Variants in DOCK1 observed in about 807,000 individuals in gnomAD.
The protein encoded by DOCK1 is dedicator of cytokinesis 1.
A neutral mutation model predicts 262.7 loss-of-function variants in DOCK1; 138 were observed. The ratio of observed to expected loss-of-function variants is 0.53; its 90% CI spans 0.46 to 0.61. The LOEUF is 0.61. Ranked by LOEUF, DOCK1 falls within the 20% of genes least tolerant of loss-of-function variation. The pLI, the probability that DOCK1 is intolerant of heterozygous loss-of-function variation, is 0.00. For missense variants in DOCK1, 1,908 were observed against 2,370.7 expected (o/e 0.80, Z 4.05); for synonymous variants, 866 against 867.4 (o/e 1.00, Z 0.03).
intron 30 of DOCK1, among the ~76,000 whole-genome samples, chr10:127,341,329 C>G (rs184981997): frequency 6.6e-6 from 1 of 152,284 alleles, no homozygotes; most frequent in African/African-American, 2.4e-5. Context: ...CTAGCAGAGT[C>G]GCTACTTTTC....
Position 127,014,034 on chromosome 10 carries a change from A to G in DOCK1, c.1201+1660A>G, listed in dbSNP as rs142162250. ...GGAGTGGAAGGGACATGGAGGAGATACTCATCTTCAGAGAGAACCACTGGG... is the reference window on the plus strand; with the variant it reads ...GGAGTGGAAGGGACATGGAGGAGATGCTCATCTTCAGAGAGAACCACTGGG... On this transcript the variant is annotated intron_variant, in intron 12 of 51. Transcript: ENST00000623213. 9.6e-4 allele frequency among the ~76,000 whole-genome samples: 146 copies of G among 152,318 alleles called. 1 individual carries two copies. In the East Asian group the frequency reaches 0.026, roughly 27 times the overall value.
intron 9 of DOCK1, among the ~76,000 whole-genome samples, chr10:126,999,933 C>T (rs1365771222): frequency 6.6e-6 from 1 of 152,232 alleles, no homozygotes; most frequent in Non-Finnish European, 1.5e-5. Context: ...CCTCGGCCTT[C>T]CAAAGTGCTG....
At chr10:126,947,016 TG>T (rs1442390509) in intron 1 of DOCK1, among the ~76,000 whole-genome samples, 2 of 152,220 alleles carry the variant, frequency 1.3e-5, no homozygotes, top group East Asian at 1.9e-4. Flanking sequence ...GGCCCATGAC[TG>T]GGGAGAGATG....
intron 1 of DOCK1, among the ~76,000 whole-genome samples, chr10:126,918,797 T>A (rs1232520810): frequency 1.3e-5 from 2 of 152,230 alleles, no homozygotes; most frequent in African/African-American, 4.8e-5. Flanking sequence ...TACTGTGTTA[T>A]TAGCAGCAAA....
At chr10:127,207,991 A>G (rs2057799323) in intron 27 of DOCK1, among the ~76,000 whole-genome samples, 1 of 152,200 alleles carries the variant, frequency 6.6e-6, no homozygotes, top group Non-Finnish European at 1.5e-5. Context: ...TTTGCTTCTT[A>G]CATACGCTAG....
chr10:127,410,697 G>T, intron 42 of DOCK1, 143 bp from the exon 43 acceptor site: 1 of 635,522 alleles, frequency 1.6e-6, no homozygotes, highest in Non-Finnish European at 2.5e-6. Flanking sequence ...GGCTGGGAGA[G>T]GACACCAAGG....
chr10:127,379,516 G>A (rs976478453), intron 35 of DOCK1, among the ~76,000 whole-genome samples: 2 of 152,198 alleles, frequency 1.3e-5, no homozygotes, highest in African/African-American at 4.8e-5. Context: ...AGCGCTCCAA[G>A]TGTGGCAAGT....
At chr10:127,386,564 A>G (rs1368211923) in intron 38 of DOCK1, among the ~76,000 whole-genome samples, 3 of 151,244 alleles carry the variant, frequency 2.0e-5, no homozygotes, top group Non-Finnish European at 2.9e-5. Context: ...CATACTCCTC[A>G]TGAGAATCTA....
intron 1 of DOCK1, among the ~76,000 whole-genome samples, chr10:126,939,199 T>C (rs2034805685): frequency 6.6e-6 from 1 of 152,128 alleles, no homozygotes; most frequent in African/African-American, 2.4e-5. Flanking sequence ...AGCTCTTCTA[T>C]AAGGGGCCTG....
intron 27 of DOCK1, among the ~76,000 whole-genome samples, chr10:127,215,795 C>T (rs1037012831): frequency 1.3e-5 from 2 of 152,070 alleles, no homozygotes; most frequent in Admixed American, 1.3e-4. Flanking sequence ...CACAACCCAA[C>T]TTTACCATAG....
rs896816924 is a variant in DOCK1, at chr10:127,379,951, G to A, written c.3676-131G>A. ...GTTTTGCAATTTATGTGAATTTATG[G>A]TTCTGATCCAAAGAGCTGGGTCCAT... On this transcript the variant is annotated intron_variant, in intron 35 of 51. Coordinates refer to ENST00000623213, the MANE Select transcript of DOCK1 (RefSeq NM_001290223.2). 5.9e-6 allele frequency: 4 copies of A among 674,628 alleles called. No homozygotes were observed. The East Asian group carries it at 1.1e-4, about 19-fold the overall frequency. The allele number at this position is 674,628 out of a possible 1,614,324, so 41.8% of individuals were successfully genotyped here. A position where few individuals can be genotyped will look rare whatever the true frequency, so the allele number is the denominator to read the frequency against.
At chr10:126,985,181 A>G (rs2039291059) in intron 4 of DOCK1, among the ~76,000 whole-genome samples, 1 of 151,884 alleles carries the variant, frequency 6.6e-6, no homozygotes, top group African/African-American at 2.4e-5. Flanking sequence ...GGGTTTCACC[A>G]CGTTGGCCAA....
intron 10 of DOCK1, among the ~76,000 whole-genome samples, chr10:127,004,756 G>A (rs1312900970): frequency 8.2e-5 from 6 of 73,370 alleles, no homozygotes; most frequent in African/African-American, 1.9e-4. Flanking sequence ...CCCCCCCAAC[G>A]GCCCCCTGCC....
intron 31 of DOCK1, among the ~76,000 whole-genome samples, chr10:127,353,395 G>A (rs994907660): frequency 6.6e-5 from 10 of 152,180 alleles, no homozygotes; most frequent in Admixed American, 6.5e-4. Context: ...TGTGTTTCCT[G>A]GGCAATTGGG....
In DOCK1 at chr10:126,927,506, G is replaced by A. The variant is rs990597994; in HGVS notation, c.46+21943G>A. Among the ~76,000 whole-genome samples, 6 of 152,016 alleles carry A rather than the reference G, an allele frequency of 3.9e-5. No individual in the cohort carries two copies. The East Asian group carries it at 1.2e-3, about 30-fold the overall frequency. ...CAGGCTGGAGTGCAGTGGCCATCTC[G>A]GCTCACTGCAACCTCCGCCTCCCGG... On this transcript the variant is annotated intron_variant, in intron 1 of 51. Coordinates refer to ENST00000623213, the MANE Select transcript of DOCK1 (RefSeq NM_001290223.2).
chr10:127,193,783 C>CAAA (rs140599074), intron 27 of DOCK1, among the ~76,000 whole-genome samples: 8,166 of 152,122 alleles, frequency 0.054, 596 homozygotes, highest in African/African-American at 0.17. Context: ...AAACAAAACA[C>CAAA]AAAAATTCCC....
chr10:127,252,711 A>G (rs2059694348), intron 28 of DOCK1, among the ~76,000 whole-genome samples: 1 of 150,164 alleles, frequency 6.7e-6, no homozygotes, highest in East Asian at 2.0e-4. Flanking sequence ...ATGTGGTGTT[A>G]TTTCTGAGGG....
intron 27 of DOCK1, among the ~76,000 whole-genome samples, chr10:127,130,441 A>G (rs1414777565): frequency 2.0e-5 from 3 of 152,132 alleles, no homozygotes; most frequent in Non-Finnish European, 4.4e-5. Flanking sequence ...CCCACTGGTC[A>G]ACAGTTAAAC....
intron 29 of DOCK1, among the ~76,000 whole-genome samples, chr10:127,301,508 G>C (rs553294437): frequency 6.6e-6 from 1 of 152,224 alleles, no homozygotes; most frequent in African/African-American, 2.4e-5. Context: ...CTTTGCTATT[G>C]TCATGAGGAG....
Sources: gnomAD v4.1 joint callset for allele counts (sites outside exome capture counted in the v4.1 genomes callset) on GRCh38, gnomAD v4.1.1 for gene constraint, MANE v1.5 for transcripts, NCBI Gene and HGNC (gene_info 2026-07-23, HGNC 2026-07-21) for gene names.